Variants in PARD3 observed in about 807,000 individuals in gnomAD.
The protein encoded by PARD3 is par-3 family cell polarity regulator.
A neutral mutation model predicts 155.4 loss-of-function variants in PARD3; 75 were observed. The ratio of observed to expected loss-of-function variants is 0.48; its 90% CI spans 0.40 to 0.58. The LOEUF is 0.58. Among genes scored for constraint, PARD3 ranks in the 20% least tolerant of loss-of-function variants. PARD3 has a pLI of 0.00. For missense variants in PARD3, 1,642 were observed against 1,721.7 expected, an observed-to-expected ratio of 0.95 and a Z score of 0.82; for synonymous variants, 576 against 610.5, an observed-to-expected ratio of 0.94 and a Z score of 0.83.
At chr10:34,547,007 G>T (rs1245942131) in intron 2 of PARD3, among the ~76,000 whole-genome samples, 1 of 152,182 alleles carries the variant, frequency 6.6e-6, no homozygotes, top group Non-Finnish European at 1.5e-5. Context: ...ACTCTAACAA[G>T]TTATTTTTTA....
chr10:34,765,678 A>AC (rs953038215), intron 1 of PARD3, among the ~76,000 whole-genome samples: 2 of 151,886 alleles, frequency 1.3e-5, no homozygotes, highest in Non-Finnish European at 2.9e-5. Flanking sequence ...ACTCAAAAAA[A>AC]AAAAAAGATT....
At chr10:34,411,919 CGTGTGTGTGTGTGTGTGTGTGTGTGT>C (rs61517279) in intron 5 of PARD3, among the ~76,000 whole-genome samples, 1 of 141,070 alleles carries the variant, frequency 7.1e-6, no homozygotes, top group Non-Finnish European at 1.5e-5. Flanking sequence ...ATAAGCTAGT[CGTGTGTGTGTGTGTGTGTGTGTGTGT>C]GTGTGTGTGT....
In PARD3 at chr10:34,344,507, C is replaced by T. The variant is rs562884195; in HGVS notation, c.2219-2691G>A. 1.0e-5 allele frequency: 8 copies of T among 786,648 alleles called. No homozygotes were observed. In the South Asian group the frequency reaches 4.0e-4, roughly 40 times the overall value. The allele number at this position is 786,648 out of a possible 1,614,324, so 48.7% of individuals were successfully genotyped here. Reference sequence around the variant, plus strand: ...ATGTTGGCCAGGCTGGTCTTAAACTCCTGACCTCAGTTGATCCACCTGCCT... The same window carrying T: ...ATGTTGGCCAGGCTGGTCTTAAACTTCTGACCTCAGTTGATCCACCTGCCT... On this transcript the variant is annotated intron_variant, in intron 15 of 24. Transcript: ENST00000374788.
At chr10:34,547,676 T>A (rs138673367) in intron 2 of PARD3, among the ~76,000 whole-genome samples, 61 of 152,312 alleles carry the variant, frequency 4.0e-4, no homozygotes, top group African/African-American at 1.4e-3. Flanking sequence ...TTTCTTCCCA[T>A]GCCATGACCT....
chr10:34,553,799 T>A (rs191997129), intron 2 of PARD3, among the ~76,000 whole-genome samples: 92 of 152,270 alleles, frequency 6.0e-4, no homozygotes, highest in African/African-American at 1.9e-3. Context: ...TCAAAAGAGG[T>A]CTAAGACACT....
chr10:34,110,416 C>G lies in PARD3; in HGVS notation c.*753G>C, dbSNP rs994233335. ...AGGCCCAGCTTCCCCCGGCAGGAGCCACTCCTGTCTCCCACGTTCCCCACA... is the reference window on the plus strand; with the variant it reads ...AGGCCCAGCTTCCCCCGGCAGGAGCGACTCCTGTCTCCCACGTTCCCCACA... On this transcript the variant is annotated 3_prime_UTR_variant, in exon 25 of 25. Coordinates refer to ENST00000374788, the MANE Select transcript of PARD3 (RefSeq NM_001184785.2). 1 of 152,266 alleles carries G rather than the reference C, an allele frequency of 6.6e-6. No individual in the cohort carries two copies. Among genetic ancestry groups the G allele is most frequent in the African/African-American group, 2.4e-5 (1 of 41,442 alleles). The allele number at this position is 152,266 out of a possible 1,614,324, so 9.4% of individuals were successfully genotyped here. A position where few individuals can be genotyped will look rare whatever the true frequency, so the allele number is the denominator to read the frequency against.
chr10:34,554,458 T>C (rs1388376411), intron 2 of PARD3, among the ~76,000 whole-genome samples: 1 of 152,224 alleles, frequency 6.6e-6, no homozygotes, highest in Non-Finnish European at 1.5e-5. Context: ...TCTTTCTTTG[T>C]ACCAACTTTT....
chr10:34,257,170 T>TG (rs2133779530), intron 22 of PARD3, among the ~76,000 whole-genome samples: 1 of 152,316 alleles, frequency 6.6e-6, no homozygotes, highest in African/African-American at 2.4e-5. Flanking sequence ...ATCTGGGAAG[T>TG]TAATTTAAAA....
At chr10:34,483,701 C>G (rs774482807) in intron 3 of PARD3, among the ~76,000 whole-genome samples, 1 of 152,174 alleles carries the variant, frequency 6.6e-6, no homozygotes, top group African/African-American at 2.4e-5. Context: ...GTGCCCAAAA[C>G]AGTGCCCGGA....
intron 3 of PARD3, 68 bp from the exon 4 acceptor site, chr10:34,470,331 C>T (rs1330109471): frequency 1.3e-5 from 15 of 1,177,806 alleles, no homozygotes; most frequent in East Asian, 7.8e-5. Context: ...GTTAGGAGAA[C>T]GTAGGGAAAT....
In PARD3 at chr10:34,586,537, C is replaced by G. The variant is rs140871662; in HGVS notation, c.223-69378G>C. Among the ~76,000 whole-genome samples the G allele has an allele frequency of 2.4e-3, 365 of 152,116 alleles. 1 individual carries two copies. Among genetic ancestry groups the G allele is most frequent in the African/African-American group, 8.0e-3 (333 of 41,490 alleles). On this transcript the variant is annotated intron_variant, in intron 2 of 24. Coordinates refer to ENST00000374788, the MANE Select transcript of PARD3 (RefSeq NM_001184785.2). ...TATTCATCACTGAGCCATAAGAACA[C>G]TATAGGGGGAAAAAATATACTCTGA... is the stretch of plus-strand genomic sequence containing the variant.
intron 1 of PARD3, among the ~76,000 whole-genome samples, chr10:34,780,838 C>A (rs575371542): frequency 6.6e-6 from 1 of 152,140 alleles, no homozygotes; most frequent in African/African-American, 2.4e-5. Flanking sequence ...AGGCAACATA[C>A]GCTGAAATAA....
At chr10:34,179,133 T>C (rs372179110) in intron 22 of PARD3, among the ~76,000 whole-genome samples, 1 of 151,986 alleles carries the variant, frequency 6.6e-6, no homozygotes, top group African/African-American at 2.4e-5. Flanking sequence ...AAATAGCATA[T>C]AGGGAATTCA....
At chr10:34,360,296 C>T (rs1438997060) in intron 12 of PARD3, 37 bp from the exon 13 acceptor site, 8 of 1,449,418 alleles carry the variant, frequency 5.5e-6, no homozygotes, top group East Asian at 2.3e-5. Flanking sequence ...CATTATAGTC[C>T]AATGTTTCTT....
chr10:34,240,243 C>A (rs530960965), intron 22 of PARD3, among the ~76,000 whole-genome samples: 2 of 152,140 alleles, frequency 1.3e-5, no homozygotes, highest in African/African-American at 4.8e-5. Context: ...GAAAGATGTT[C>A]GTGACTTATT....
chr10:34,239,802 CAA>C (rs200115114), intron 22 of PARD3, among the ~76,000 whole-genome samples: 24 of 120,390 alleles, frequency 2.0e-4, no homozygotes, highest in Admixed American at 1.7e-4. Flanking sequence ...CACTCCATCT[CAA>C]AAAAAAAAAA....
chr10:34,814,214 T>C (rs1386115277), intron 1 of PARD3, among the ~76,000 whole-genome samples: 1 of 152,120 alleles, frequency 6.6e-6, no homozygotes, highest in Non-Finnish European at 1.5e-5. Context: ...GAGTGCCAAG[T>C]GCCAGCGGTG....
chr10:34,703,943 AC>A (rs1314367022), intron 1 of PARD3, among the ~76,000 whole-genome samples: 3 of 152,180 alleles, frequency 2.0e-5, no homozygotes, highest in Non-Finnish European at 4.4e-5. Flanking sequence ...CAAAAACATT[AC>A]CCCTTTGTAA....
chr10:34,399,243 T>C, intron 7 of PARD3, 87 bp downstream of exon 7: 1 of 858,850 alleles, frequency 1.2e-6, no homozygotes, highest in Non-Finnish European at 2.0e-6. Flanking sequence ...AAGCATATGC[T>C]AAGTCAACAC....
Sources: allele counts gnomAD v4.1 joint callset (sites outside exome capture counted in the v4.1 genomes callset), GRCh38; gene constraint gnomAD v4.1.1; transcripts MANE v1.5; gene names NCBI Gene and HGNC (gene_info 2026-07-23, HGNC 2026-07-21).